ATP2B2: variants seen among roughly 807,000 people sequenced by gnomAD.
ATP2B2 encodes the protein plasma membrane calcium-transporting ATPase 2.
Under a neutral mutation model 120.0 loss-of-function variants are expected in ATP2B2, and 15 were observed. The ratio of observed to expected loss-of-function variants is 0.12; its 90% CI spans 0.08 to 0.19. ATP2B2 has a LOEUF of 0.19. Among genes scored for constraint, ATP2B2 ranks in the 10% least tolerant of loss-of-function variants. The probability of loss-of-function intolerance (pLI) is 1.00; values close to 1 mark genes in which losing one functional copy is unlikely to be tolerated. For missense variants in ATP2B2, 1,045 were observed against 1,719.8 expected (o/e 0.61, Z 6.94); for synonymous variants, 694 against 700.3 (o/e 0.99, Z 0.14).
chr3:10,540,803 G>T (rs1335798329), intron 2 of ATP2B2, among the ~76,000 whole-genome samples: 1 of 151,412 alleles, frequency 6.6e-6, no homozygotes, highest in Non-Finnish European at 1.5e-5. Context: ...CAGCAACATG[G>T]TACATGTATA....
chr3:10,652,598 A>C (rs1367461558), intron 1 of ATP2B2, among the ~76,000 whole-genome samples: 2 of 152,188 alleles, frequency 1.3e-5, no homozygotes, highest in Non-Finnish European at 2.9e-5. Flanking sequence ...CAGCAATCCC[A>C]TTCCTGAGTA....
chr3:10,676,898 A>C (rs1272927979), intron 1 of ATP2B2, among the ~76,000 whole-genome samples: 1 of 152,244 alleles, frequency 6.6e-6, no homozygotes, highest in Non-Finnish European at 1.5e-5. Flanking sequence ...AAAATCCAGA[A>C]CACTGACAGT....
intron 18 of ATP2B2, among the ~76,000 whole-genome samples, chr3:10,344,728 G>A (rs924296533): frequency 1.3e-5 from 2 of 152,176 alleles, no homozygotes; most frequent in South Asian, 2.1e-4. Flanking sequence ...TTCTGCCTCT[G>A]TAAAATGAGG....
intron 3 of ATP2B2, among the ~76,000 whole-genome samples, chr3:10,524,373 G>T (rs910730621): frequency 2.6e-5 from 4 of 152,234 alleles, no homozygotes; most frequent in Non-Finnish European, 4.4e-5. Context: ...ACGTCCTGAG[G>T]CGAGTGCCAT....
intron 1 of ATP2B2, among the ~76,000 whole-genome samples, chr3:10,462,036 T>C (rs1423909870): frequency 1.3e-5 from 2 of 152,120 alleles, no homozygotes; most frequent in East Asian, 3.9e-4. Flanking sequence ...GGGGTAACTG[T>C]AGGTTTCCCC....
rs35077185 is a variant in ATP2B2 at position 10,417,448 on chromosome 3, G to A, written c.200-6633C>T. ...GATTATTCTGGGAAGGAGGGAGGGAGCATGTTTACACAGAAGCTGGACGGC... is the reference window on the plus strand; with the variant it reads ...GATTATTCTGGGAAGGAGGGAGGGAACATGTTTACACAGAAGCTGGACGGC... On this transcript the variant is annotated intron_variant, in intron 2 of 22. Transcript: ENST00000360273. Among the ~76,000 whole-genome samples, 837 of 152,334 alleles carry A rather than the reference G, an allele frequency of 5.5e-3. 5 individuals carry two copies. Among genetic ancestry groups the A allele is most frequent in the Non-Finnish European group, 9.7e-3 (659 of 68,020 alleles).
At chr3:10,613,706 C>T (rs1001933593) in intron 2 of ATP2B2, among the ~76,000 whole-genome samples, 2 of 152,012 alleles carry the variant, frequency 1.3e-5, no homozygotes, top group Non-Finnish European at 2.9e-5. Flanking sequence ...CATCTCTTAC[C>T]CGGATAATGG....
At chr3:10,472,212 G>A (rs917426438) in intron 1 of ATP2B2, among the ~76,000 whole-genome samples, 7 of 152,228 alleles carry the variant, frequency 4.6e-5, no homozygotes, top group African/African-American at 1.2e-4. Flanking sequence ...GATGGGAGCC[G>A]GGAGGCCCGG....
intron 2 of ATP2B2, among the ~76,000 whole-genome samples, chr3:10,581,282 G>GT (rs1248795669): frequency 2.6e-5 from 4 of 152,214 alleles, no homozygotes; most frequent in Admixed American, 2.0e-4. Flanking sequence ...TGAAGATGAG[G>GT]GTAAATGGGG....
chr3:10,453,346 T>C (rs2064132909), intron 1 of ATP2B2, among the ~76,000 whole-genome samples: 1 of 152,216 alleles, frequency 6.6e-6, no homozygotes, highest in Non-Finnish European at 1.5e-5. Flanking sequence ...GCACTCAAAT[T>C]ATTGTGATTA....
intron 19 of ATP2B2, among the ~76,000 whole-genome samples, chr3:10,341,520 A>G (rs1335527609): frequency 6.6e-6 from 1 of 152,166 alleles, no homozygotes; most frequent in African/African-American, 2.4e-5. Flanking sequence ...CATGTTGGCC[A>G]TGCTGGTCTC....
intron 3 of ATP2B2, 103 bp downstream of exon 3, chr3:10,410,515 C>A: frequency 1.4e-6 from 2 of 1,412,746 alleles, no homozygotes; most frequent in Non-Finnish European, 1.9e-6. Context: ...TCGGTTTCTT[C>A]CCCTGGGAGG....
intron 2 of ATP2B2, among the ~76,000 whole-genome samples, chr3:10,543,291 A>C (rs1195463401): frequency 2.0e-5 from 3 of 152,264 alleles, no homozygotes; most frequent in Non-Finnish European, 4.4e-5. Context: ...TTGTTATGGC[A>C]GTCTGAGCTT....
intron 7 of ATP2B2, among the ~76,000 whole-genome samples, chr3:10,385,539 G>T (rs1315577396): frequency 6.6e-6 from 1 of 152,200 alleles, no homozygotes; most frequent in African/African-American, 2.4e-5. Flanking sequence ...CAGACATGGA[G>T]GGTCTTTCAA....
At chr3:10,381,793 C>T (rs1162361919) in intron 8 of ATP2B2, among the ~76,000 whole-genome samples, 2 of 152,120 alleles carry the variant, frequency 1.3e-5, no homozygotes, top group Admixed American at 6.5e-5. Flanking sequence ...TCAGATGCAC[C>T]TTTTCCAAAT....
intron 2 of ATP2B2, among the ~76,000 whole-genome samples, chr3:10,617,568 G>C (rs778037059): frequency 1.3e-4 from 20 of 152,242 alleles, no homozygotes; most frequent in Non-Finnish European, 2.8e-4. Flanking sequence ...GCACAAAGGG[G>C]TGGAGTCACC....
At chr3:10,334,552 G>A (rs1039039160) in intron 22 of ATP2B2, among the ~76,000 whole-genome samples, 9 of 152,166 alleles carry the variant, frequency 5.9e-5, no homozygotes, top group Non-Finnish European at 1.2e-4. Context: ...ACTGCCTAGT[G>A]ACGGTATCTC....
intron 1 of ATP2B2, among the ~76,000 whole-genome samples, chr3:10,679,542 G>A (rs1402921930): frequency 2.6e-5 from 4 of 152,168 alleles, no homozygotes; most frequent in African/African-American, 9.7e-5. Flanking sequence ...TCCAGTTTGG[G>A]GGATAGTCAG....
intron 1 of ATP2B2, among the ~76,000 whole-genome samples, chr3:10,699,456 TTATC>T (rs2071786033): frequency 6.6e-6 from 1 of 152,198 alleles, no homozygotes; most frequent in African/African-American, 2.4e-5. Flanking sequence ...GAATATCTAT[TTATC>T]TATCAATCAT....
Sources: allele counts gnomAD v4.1 joint callset (sites outside exome capture counted in the v4.1 genomes callset), GRCh38; gene constraint gnomAD v4.1.1; transcripts MANE v1.5; gene names NCBI Gene and HGNC (gene_info 2026-07-23, HGNC 2026-07-21).